Variants in PDE7B observed in about 807,000 individuals in gnomAD.
PDE7B encodes the protein 3',5'-cyclic-AMP phosphodiesterase 7B.
PDE7B carries 29 observed loss-of-function variants against 56.2 expected under a neutral mutation model. The observed-to-expected ratio is 0.52, with a 90% CI of 0.38 to 0.70. PDE7B has a LOEUF of 0.70. Among genes scored for constraint, PDE7B ranks in the 30% least tolerant of loss-of-function variants. The pLI, the probability that PDE7B is intolerant of heterozygous loss-of-function variation, is 0.00. For missense variants in PDE7B, 490 were observed against 565.0 expected (o/e 0.87, Z 1.35); for synonymous variants, 197 against 196.9 (o/e 1.00, Z 0.00).
rs1562412156 is a variant in PDE7B at position 135,857,024 on chromosome 6, T to TCCCTCCCTCCCTCCCTC, written c.21+5007_21+5008insCTCCCTCCCTCCCTCCC. On this transcript the variant is annotated intron_variant, in intron 1 of 12. Transcript: ENST00000308191. Reference sequence around the variant, plus strand: ...TTTCCTTCTGCCCTCTTACTCCTTTTCCTCCCTCCCTCCCTCCCTCCCTCC... The same window carrying TCCCTCCCTCCCTCCCTC: ...TTTCCTTCTGCCCTCTTACTCCTTTTCCCTCCCTCCCTCCCTCCCTCCCTCCCTCCCTCCCTCCCTCC... 1.2e-4 allele frequency among the ~76,000 whole-genome samples: 15 copies of TCCCTCCCTCCCTCCCTC among 127,592 alleles called. 1 individual carries two copies. The East Asian group carries it at 2.7e-3, about 23-fold the overall frequency. The allele number at this position is 127,592 out of a possible 152,430, so 83.7% of individuals were successfully genotyped here. A position where few individuals can be genotyped will look rare whatever the true frequency, so the allele number is the denominator to read the frequency against.
At chr6:136,005,582 C>T (rs1775766631) in intron 2 of PDE7B, among the ~76,000 whole-genome samples, 1 of 152,182 alleles carries the variant, frequency 6.6e-6, no homozygotes, top group Admixed American at 6.5e-5. Flanking sequence ...GACATTTGTG[C>T]AGCCAAAAAA....
rs868381825 is a variant in PDE7B at position 135,923,528 on chromosome 6, A to G, written c.22-23936A>G. 5.3e-5 allele frequency among the ~76,000 whole-genome samples: 8 copies of G among 152,324 alleles called. No individual in the cohort carries two copies. The Middle Eastern group carries it at 0.014, about 259-fold the overall frequency. On this transcript the variant is annotated intron_variant, in intron 1 of 12. Coordinates refer to ENST00000308191, the MANE Select transcript of PDE7B (RefSeq NM_018945.4). The stretch of plus-strand genomic sequence containing the variant: ...ACTGATGGGTCATTCAAAAAATGGT[A>G]TAGGCAGAACTGACTTTTTAGAAAA...
intron 1 of PDE7B, among the ~76,000 whole-genome samples, chr6:135,866,630 C>T (rs376733431): frequency 1.3e-5 from 2 of 152,122 alleles, no homozygotes; most frequent in African/African-American, 2.4e-5. Flanking sequence ...TTATGGCTTT[C>T]GTGCATAGAA....
At chr6:135,878,095 G>A (rs1277026835) in intron 1 of PDE7B, among the ~76,000 whole-genome samples, 2 of 152,150 alleles carry the variant, frequency 1.3e-5, no homozygotes, top group African/African-American at 4.8e-5. Context: ...ACCCTAAAAG[G>A]CCCAAGGGGT....
intron 9 of PDE7B, among the ~76,000 whole-genome samples, chr6:136,177,967 C>T (rs1779006036): frequency 6.6e-6 from 1 of 152,074 alleles, no homozygotes; most frequent in Non-Finnish European, 1.5e-5. Context: ...CAACTATAGC[C>T]TACACATCAT....
At chr6:135,898,972 C>T (rs753324549) in intron 1 of PDE7B, among the ~76,000 whole-genome samples, 180 of 152,038 alleles carry the variant, frequency 1.2e-3, no homozygotes, top group Non-Finnish European at 2.3e-3. Flanking sequence ...TTGAGGGGGG[C>T]GCCAGGTGGA....
intron 2 of PDE7B, among the ~76,000 whole-genome samples, chr6:136,045,266 C>T (rs1776483514): frequency 6.6e-6 from 1 of 152,094 alleles, no homozygotes; most frequent in Non-Finnish European, 1.5e-5. Context: ...CTTCATTTTC[C>T]TGTTTATCCC....
At chr6:135,993,963 A>G (rs887976272) in intron 2 of PDE7B, among the ~76,000 whole-genome samples, 3 of 152,226 alleles carry the variant, frequency 2.0e-5, no homozygotes, top group Non-Finnish European at 4.4e-5. Flanking sequence ...CAAAGTAATA[A>G]ACAACAGCAG....
At chr6:136,017,269 A>G (rs575105134) in intron 2 of PDE7B, among the ~76,000 whole-genome samples, 17 of 152,352 alleles carry the variant, frequency 1.1e-4, no homozygotes, top group Non-Finnish European at 2.2e-4. Context: ...CACTTAAATA[A>G]AACACCTCTT....
At chr6:135,926,509 T>C (rs1471291454) in intron 1 of PDE7B, among the ~76,000 whole-genome samples, 1 of 152,038 alleles carries the variant, frequency 6.6e-6, no homozygotes, top group African/African-American at 2.4e-5. Context: ...TAGCAAAACC[T>C]GTGTGTTCAC....
chr6:135,974,894 A>C (rs1775155901), intron 2 of PDE7B, among the ~76,000 whole-genome samples: 1 of 152,128 alleles, frequency 6.6e-6, no homozygotes, highest in Non-Finnish European at 1.5e-5. Context: ...TCTAAGGGTG[A>C]ATTTGCAAGT....
At chr6:136,019,285 A>C (rs1776029776) in intron 2 of PDE7B, among the ~76,000 whole-genome samples, 1 of 152,154 alleles carries the variant, frequency 6.6e-6, no homozygotes, top group Non-Finnish European at 1.5e-5. Context: ...TATTTCATAT[A>C]AGTTAATTCA....
At chr6:135,959,243 G>A (rs987885928) in intron 2 of PDE7B, among the ~76,000 whole-genome samples, 8 of 151,980 alleles carry the variant, frequency 5.3e-5, no homozygotes, top group Non-Finnish European at 1.0e-4. Flanking sequence ...CCATGAAGTT[G>A]GTGAATAGCA....
At chr6:135,968,102 A>G (rs981445700) in intron 2 of PDE7B, among the ~76,000 whole-genome samples, 1 of 152,238 alleles carries the variant, frequency 6.6e-6, no homozygotes, top group Non-Finnish European at 1.5e-5. Context: ...CTGGCTAGCC[A>G]TATGCAGAAA....
rs115719110 is a variant in PDE7B, at chr6:135,904,484, T to C, written c.22-42980T>C. 8.9e-3 allele frequency among the ~76,000 whole-genome samples: 1,355 copies of C among 152,248 alleles called. 27 individuals are homozygous for C. The highest frequency in any genetic ancestry group is 0.031 in the African/African-American group (1,293 of 41,554). ...CCCCTTGAAAACCCAGAAATACTTATAGACAACAGATTACCCCAGTCCATC... is the reference window on the plus strand; with the variant it reads ...CCCCTTGAAAACCCAGAAATACTTACAGACAACAGATTACCCCAGTCCATC... On this transcript the variant is annotated intron_variant, in intron 1 of 12. Transcript: ENST00000308191.
intron 1 of PDE7B, among the ~76,000 whole-genome samples, chr6:135,874,851 T>C (rs1186136384): frequency 6.6e-6 from 1 of 152,184 alleles, no homozygotes; most frequent in Admixed American, 6.5e-5. Flanking sequence ...AATTTCCTGC[T>C]ATGTTTATAG....
chr6:135,873,879 C>T (rs1775438538), intron 1 of PDE7B, among the ~76,000 whole-genome samples: 1 of 152,090 alleles, frequency 6.6e-6, no homozygotes, highest in Non-Finnish European at 1.5e-5. Context: ...TTCATTAATT[C>T]ATTTATTCAT....
intron 1 of PDE7B, among the ~76,000 whole-genome samples, chr6:135,856,093 T>C (rs1360112153): frequency 6.6e-6 from 1 of 152,226 alleles, no homozygotes; most frequent in Non-Finnish European, 1.5e-5. Flanking sequence ...ACTCTCTGTG[T>C]AGTTTGCCTT....
At position 135,866,450 on chromosome 6, in the gene PDE7B, T is replaced by C. The variant is rs765707933; in HGVS notation, c.21+14431T>C. On this transcript the variant is annotated intron_variant, in intron 1 of 12. Transcript: ENST00000308191. ...AATCTCATCAGAGTAATAACGTTAG[T>C]TTGTAATTGTTACTTGCCAGTAGTA... is the stretch of plus-strand genomic sequence containing the variant. 3.3e-5 allele frequency among the ~76,000 whole-genome samples: 5 copies of C among 152,250 alleles called. No individual in the cohort carries two copies. The South Asian group carries it at 1.0e-3, about 32-fold the overall frequency.
Sources: allele counts gnomAD v4.1 joint callset (sites outside exome capture counted in the v4.1 genomes callset), GRCh38; gene constraint gnomAD v4.1.1; transcripts MANE v1.5; gene names NCBI Gene and HGNC (gene_info 2026-07-23, HGNC 2026-07-21).